The following CKAP5 variants were observed in gnomAD, a reference collection of about 807,000 sequenced individuals.
CKAP5 encodes cytoskeleton-associated protein 5.
A neutral mutation model predicts 232.8 loss-of-function variants in CKAP5; 27 were observed. The observed-to-expected ratio is 0.12, with a 90% CI of 0.09 to 0.16. The LOEUF (loss-of-function observed/expected upper bound fraction) is 0.16, where lower values mean the gene tolerates loss of function less well. CKAP5 is among the 10% of genes least tolerant of loss of function. The pLI, the probability that CKAP5 is intolerant of heterozygous loss-of-function variation, is 1.00. For synonymous variants in CKAP5, 785 were observed against 841.1 expected (o/e 0.93, Z 1.16); for missense variants, 1,838 against 2,424.7 (o/e 0.76, Z 5.08).
At chr11:46,798,448 T>C (rs967691782) in intron 9 of CKAP5, among the ~76,000 whole-genome samples, 2 of 151,576 alleles carry the variant, frequency 1.3e-5, no homozygotes, top group Admixed American at 6.6e-5. Context: ...GGTGTGGTGG[T>C]ATGTGCCTAT....
chr11:46,826,068 G>T lies in CKAP5; in HGVS notation c.-37-4800C>A, dbSNP rs141201887. On this transcript the variant is annotated intron_variant, in intron 1 of 43. Coordinates refer to ENST00000529230, the MANE Select transcript of CKAP5 (RefSeq NM_001008938.4). ...TGCATTACCAGGCGGCCAGAAATCT[G>T]AACAGTTTTCTAGCAGATTATCTCA... 9.9e-5 allele frequency among the ~76,000 whole-genome samples: 15 copies of T among 152,248 alleles called. No individual in the cohort carries two copies. The East Asian group carries it at 2.7e-3, about 27-fold the overall frequency.
In CKAP5 at chr11:46,846,241, C is replaced by A. The variant is rs1280689910; in HGVS notation, c.-59G>T. ...TCACCTCAGCTGGGTCAGAACCAAGCGGCCTGCTCTAAGCCGTTTGAAACC... is the reference window on the plus strand; with the variant it reads ...TCACCTCAGCTGGGTCAGAACCAAGAGGCCTGCTCTAAGCCGTTTGAAACC... On this transcript the variant is annotated 5_prime_UTR_variant, in exon 1 of 44. Transcript: ENST00000529230. 6.6e-6 allele frequency: 1 copy of A among 152,214 alleles called. No individual in the cohort carries two copies. Among genetic ancestry groups the A allele is most frequent in the East Asian group, 1.9e-4 (1 of 5,184 alleles). The allele number at this position is 152,214 out of a possible 1,614,324, so 9.4% of individuals were successfully genotyped here. A position where few individuals can be genotyped will look rare whatever the true frequency, so the allele number is the denominator to read the frequency against.
intron 3 of CKAP5, among the ~76,000 whole-genome samples, 193 bp downstream of exon 3, chr11:46,818,117 T>C (rs1939445442): frequency 6.6e-6 from 1 of 152,192 alleles, no homozygotes; most frequent in South Asian, 2.1e-4. Context: ...AATTTACTCC[T>C]CTACAGATCT....
chr11:46,838,835 T>G (rs1032057936), intron 1 of CKAP5, among the ~76,000 whole-genome samples: 1 of 143,532 alleles, frequency 7.0e-6, no homozygotes, highest in African/African-American at 2.6e-5. Flanking sequence ...TGAGCCACCA[T>G]TGTCGCAACA....
rs551191846 is a variant in CKAP5, at chr11:46,807,369, G to C, written c.978+662C>G. 2.6e-5 allele frequency among the ~76,000 whole-genome samples: 4 copies of C among 152,232 alleles called. No homozygotes were observed. The South Asian group carries it at 8.3e-4, about 32-fold the overall frequency. ...AAATCAACTTCCTCCCCTCACCATTGTAATCCTCTGTAATTTCAGACTGAG... is the reference window on the plus strand; with the variant it reads ...AAATCAACTTCCTCCCCTCACCATTCTAATCCTCTGTAATTTCAGACTGAG... On this transcript the variant is annotated intron_variant, in intron 8 of 43. Coordinates refer to ENST00000529230, the MANE Select transcript of CKAP5 (RefSeq NM_001008938.4).
intron 1 of CKAP5, among the ~76,000 whole-genome samples, chr11:46,835,749 G>A (rs769587424): frequency 1.1e-4 from 17 of 152,206 alleles, no homozygotes; most frequent in Non-Finnish European, 2.2e-4. Flanking sequence ...CCTTAACTCC[G>A]GGAAGTGGAA....
chr11:46,752,185 TATATATATAC>T (rs1192383469), intron 38 of CKAP5, among the ~76,000 whole-genome samples: 82 of 68,484 alleles, frequency 1.2e-3, no homozygotes, highest in African/African-American at 3.4e-3. Context: ...TATATATATA[TATATATATAC>T]ACACACACAC....
chr11:46,790,449 G>T, intron 14 of CKAP5, 21 bp downstream of exon 14: 1 of 1,528,636 alleles, frequency 6.5e-7, no homozygotes, highest in Non-Finnish European at 9.0e-7. Context: ...TGATTTTCAG[G>T]CTCAGTGTGT....
rs151311453 is a variant in CKAP5 at position 46,743,989 on chromosome 11, T to C, written c.*34A>G. On this transcript the variant is annotated 3_prime_UTR_variant, in exon 44 of 44. Coordinates refer to ENST00000529230, the MANE Select transcript of CKAP5 (RefSeq NM_001008938.4). ...TATGAGGACTTCTAGTTTAGTAAAC[T>C]AAAGCTGCAGGGTGCCGGGGGAGTG... 1 of 1,611,748 alleles carries C rather than the reference T, an allele frequency of 6.2e-7. No homozygotes were observed. Among genetic ancestry groups the C allele is most frequent in the Non-Finnish European group, 8.5e-7 (1 of 1,179,828 alleles).
chr11:46,832,587 A>C (rs1939816597), intron 1 of CKAP5, among the ~76,000 whole-genome samples: 1 of 152,136 alleles, frequency 6.6e-6, no homozygotes. Context: ...CTCCCTATTT[A>C]ACACACACTT....
chr11:46,750,463 G>A (rs2065054790), intron 41 of CKAP5, 30 bp from the exon 42 acceptor site: 1 of 1,613,196 alleles, frequency 6.2e-7, no homozygotes. Context: ...AAGAGGTGGG[G>A]ATGAATGTTA....
intron 1 of CKAP5, among the ~76,000 whole-genome samples, chr11:46,840,985 T>G (rs73456186): frequency 6.6e-6 from 1 of 152,264 alleles, no homozygotes; most frequent in Non-Finnish European, 1.5e-5. Flanking sequence ...AGTGTCAGAA[T>G]TGGCCAGGTG....
At chr11:46,759,479 G>T in intron 33 of CKAP5, 37 bp from the exon 34 acceptor site, 1 of 1,587,482 alleles carries the variant, frequency 6.3e-7, no homozygotes, top group South Asian at 1.2e-5. Flanking sequence ...AACTAAAAGA[G>T]ACTTCTTAAC....
At chr11:46,764,882 A>ATC (rs1247421488) in intron 28 of CKAP5, among the ~76,000 whole-genome samples, 3 of 290 alleles carry the variant, frequency 0.01, no homozygotes, top group African/African-American at 0.023. Flanking sequence ...TTAAAAAAAA[A>ATC]AATCAATGAA....
intron 8 of CKAP5, among the ~76,000 whole-genome samples, chr11:46,804,173 T>C (rs1341058926): frequency 6.6e-6 from 1 of 152,206 alleles, no homozygotes; most frequent in East Asian, 1.9e-4. Context: ...TCTTATTGTA[T>C]AGTATTGAAG....
At position 46,770,815 on chromosome 11, in the gene CKAP5, T is replaced by C; in HGVS notation, c.3159A>G (p.Lys1053=). 6.2e-7 allele frequency: 1 copy of C among 1,614,050 alleles called. No homozygotes were observed. The highest frequency in any genetic ancestry group is 8.5e-7 in the Non-Finnish European group (1 of 1,180,010). Residue 1053 remains lysine (K), a synonymous_variant, in exon 25 of 44, where the codon AAA becomes AAG. Coordinates refer to ENST00000529230, the MANE Select transcript of CKAP5 (RefSeq NM_001008938.4). The part of the protein sequence containing the change: ...PFFMMHLGYE[K]MAKATGKLKP... ...TTAGTTTCCCAGTAGCCTTGGCCAT[T>C]TTTTCATATCCTAAATGCATCATGA...
chr11:46,762,798 T>C (rs928326343), intron 30 of CKAP5, 36 bp from the exon 31 acceptor site: 6 of 1,604,290 alleles, frequency 3.7e-6, no homozygotes, highest in Non-Finnish European at 4.3e-6. Context: ...AAGTGAGGCA[T>C]TTCCTAAGTA....
intron 31 of CKAP5, 197 bp from the exon 32 acceptor site, chr11:46,762,390 G>T (rs1415165469): frequency 1.2e-6 from 1 of 851,782 alleles, no homozygotes; most frequent in Non-Finnish European, 2.0e-6. Context: ...AGAGATGCCT[G>T]TGAGTCAGAT....
At chr11:46,785,829 C>T (rs530574496) in intron 16 of CKAP5, among the ~76,000 whole-genome samples, 8 of 152,198 alleles carry the variant, frequency 5.3e-5, no homozygotes, top group East Asian at 3.9e-4. Context: ...CCTGTAGTCC[C>T]AGCTACTTGG....
Sources: allele counts gnomAD v4.1 joint callset (sites outside exome capture counted in the v4.1 genomes callset), GRCh38; gene constraint gnomAD v4.1.1; transcripts MANE v1.5; gene names NCBI Gene and HGNC (gene_info 2026-07-23, HGNC 2026-07-21).